Variants in SEMA3D observed in about 807,000 individuals in gnomAD.
SEMA3D encodes the protein semaphorin 3D, also known as semaphorin-3D.
In SEMA3D, 84 loss-of-function variants were observed where a neutral mutation model predicts 100.1. The ratio of observed to expected loss-of-function variants is 0.84; its 90% CI spans 0.70 to 1.01. The LOEUF (loss-of-function observed/expected upper bound fraction) is 1.01. Among genes scored for constraint, SEMA3D ranks in the 50% least tolerant of loss-of-function variants. The pLI, the probability that SEMA3D is intolerant of heterozygous loss-of-function variation, is 0.00. For missense variants in SEMA3D, 875 were observed against 934.1 expected, an observed-to-expected ratio of 0.94 and a Z score of 0.82; for synonymous variants, 312 against 320.7, an observed-to-expected ratio of 0.97 and a Z score of 0.29.
chr7:84,999,474 T>A lies in SEMA3D; in HGVS notation c.2300A>T (p.Asp767Val), dbSNP rs1438001428. Residue 767 changes from aspartate to valine, a missense_variant, in exon 19 of 19, where the codon GAC becomes GTC. Coordinates refer to ENST00000284136, the MANE Select transcript of SEMA3D (RefSeq NM_001384900.1). Reference sequence around the variant, plus strand: ...TACAGCTCTAGGGAGCTCATCCAGGTCTCTGTGATGTCTTCGATTTCGTTT... The same window carrying A: ...TACAGCTCTAGGGAGCTCATCCAGGACTCTGTGATGTCTTCGATTTCGTTT... ...KKKRNRRHHR[D>V]LDELPRAVAT The A allele has an allele frequency of 6.2e-7, 1 of 1,614,036 alleles. No individual in the cohort carries two copies. The highest frequency in any genetic ancestry group is 8.5e-7 in the Non-Finnish European group (1 of 1,179,966).
At chr7:85,226,252 T>C in the SEMA3D span, among the ~76,000 whole-genome samples, 1 of 152,202 alleles carries the variant, frequency 6.6e-6, no homozygotes, top group Non-Finnish European at 1.5e-5. Flanking sequence ...AGTGTGCTCA[T>C]GAGTTTAGTT....
Position 85,009,252 on chromosome 7 carries a change from G to T in SEMA3D, c.1769-2311C>A, listed in dbSNP as rs573925344. 6.5e-4 allele frequency among the ~76,000 whole-genome samples: 98 copies of T among 151,574 alleles called. 1 individual carries two copies. In the South Asian group the frequency reaches 0.019, roughly 29 times the overall value. On this transcript the variant is annotated intron_variant, in intron 17 of 18. Transcript: ENST00000284136. ...CCTCTTTATAATAAATATATAGCTT[G>T]TCATTAAAGTGCAAGATTGATCTGT...
At chr7:85,140,038 G>A (rs199928656) in intron 2 of SEMA3D, 578 of 503,332 alleles carry the variant, frequency 1.1e-3, no homozygotes, top group Non-Finnish European at 1.3e-3. Context: ...GTTGCATGCT[G>A]TCATTAATTA....
At chr7:85,028,239 T>C in intron 12 of SEMA3D, 1 of 694,676 alleles carries the variant, frequency 1.4e-6, no homozygotes, top group Non-Finnish European at 2.6e-6. Context: ...TTGGGAAGAC[T>C]GTTACCAATG....
At chr7:85,221,920 C>A in the SEMA3D span, among the ~76,000 whole-genome samples, 1 of 151,880 alleles carries the variant, frequency 6.6e-6, no homozygotes, top group Admixed American at 6.6e-5. Flanking sequence ...GTATATTAAC[C>A]TAACTTGCTA....
At chr7:85,236,091 G>GGGT in the SEMA3D span, among the ~76,000 whole-genome samples, 1 of 151,780 alleles carries the variant, frequency 6.6e-6, no homozygotes, top group African/African-American at 2.4e-5. Context: ...TAGGTATAAG[G>GGGT]CAATTACACA....
chr7:85,148,828 GA>G (rs548216895), intron 2 of SEMA3D, among the ~76,000 whole-genome samples: 79 of 152,090 alleles, frequency 5.2e-4, no homozygotes, highest in Non-Finnish European at 1.0e-3. Flanking sequence ...TGTGTGTGTA[GA>G]TTTTTTTTGT....
the SEMA3D span, among the ~76,000 whole-genome samples, chr7:85,249,518 G>A: frequency 8.8e-4 from 134 of 152,218 alleles, no homozygotes; most frequent in Non-Finnish European, 1.4e-3. Flanking sequence ...CATACAACTC[G>A]AACAGTAGAC....
chr7:85,143,772 A>G (rs1282769042), intron 2 of SEMA3D, among the ~76,000 whole-genome samples: 2 of 150,162 alleles, frequency 1.3e-5, no homozygotes, highest in African/African-American at 4.9e-5. Flanking sequence ...CCCAGGCTGT[A>G]GTGCAGTAGC....
chr7:85,167,335 C>T, intron 1 of SEMA3D: 1 of 982,678 alleles, frequency 1.0e-6, no homozygotes, highest in Non-Finnish European at 1.2e-6. Context: ...GTGATGTTCT[C>T]ATAGAAACAT....
At chr7:85,028,285 C>T in intron 12 of SEMA3D, 1 of 701,476 alleles carries the variant, frequency 1.4e-6, no homozygotes, top group East Asian at 2.6e-5. Flanking sequence ...GAATGACTCT[C>T]AGCATCAGGG....
intron 1 of SEMA3D, among the ~76,000 whole-genome samples, chr7:85,163,735 C>T (rs1790811193): frequency 6.6e-6 from 1 of 152,092 alleles, no homozygotes; most frequent in Non-Finnish European, 1.5e-5. Flanking sequence ...TTTAAAGTGG[C>T]TCACTTATTC....
rs1790453604 is a variant in SEMA3D at position 85,028,440 on chromosome 7, G to A, written c.1192-5827C>T. 3 of 413,448 alleles carry A rather than the reference G, an allele frequency of 7.3e-6. No homozygotes were observed. In the Admixed American group the frequency reaches 1.2e-4, roughly 17 times the overall value. 25.6% of individuals were successfully genotyped at this position (413,448 alleles called of 1,614,324 possible). A position where few individuals can be genotyped will look rare whatever the true frequency, so the allele number is the denominator to read the frequency against. On this transcript the variant is annotated intron_variant, in intron 12 of 18. Transcript: ENST00000284136. ...AAAGAAATGTGCTAATCTTTGACCT[G>A]GGAGGTGGTGTTTTTGATCCTCACT...
the SEMA3D span, among the ~76,000 whole-genome samples, chr7:85,223,905 A>T: frequency 6.6e-6 from 1 of 152,120 alleles, no homozygotes. Flanking sequence ...TGTTGAAAAA[A>T]AAAAGTCTCT....
chr7:85,159,932 T>C (rs1203561060), intron 1 of SEMA3D: 2 of 984,750 alleles, frequency 2.0e-6, no homozygotes, highest in East Asian at 1.1e-4. Context: ...AATGACCAAC[T>C]AGTGTTCAAG....
intron 8 of SEMA3D, among the ~76,000 whole-genome samples, chr7:85,057,255 T>C (rs1791347056): frequency 6.6e-6 from 1 of 152,142 alleles, no homozygotes; most frequent in African/African-American, 2.4e-5. Flanking sequence ...GTCTTGGTTT[T>C]AAATAATTGT....
At chr7:85,138,653 TTA>T (rs1789938948) in intron 2 of SEMA3D, among the ~76,000 whole-genome samples, 1 of 86,764 alleles carries the variant, frequency 1.2e-5, no homozygotes, top group African/African-American at 7.6e-5. Flanking sequence ...TATATTTAAT[TTA>T]ATATATATAT....
intron 8 of SEMA3D, among the ~76,000 whole-genome samples, chr7:85,059,258 C>T (rs1791409556): frequency 6.6e-6 from 1 of 152,022 alleles, no homozygotes; most frequent in Non-Finnish European, 1.5e-5. Context: ...GAAAAAGATA[C>T]ATTTAGACTC....
upstream of SEMA3D, among the ~76,000 whole-genome samples, chr7:85,188,512 TA>T (rs562282430): frequency 3.3e-5 from 5 of 152,380 alleles, no homozygotes; most frequent in African/African-American, 1.2e-4. Context: ...GTGTTTATAT[TA>T]TTTTCATTTG....
Sources: allele counts gnomAD v4.1 joint callset (sites outside exome capture counted in the v4.1 genomes callset), GRCh38; gene constraint gnomAD v4.1.1; transcripts MANE v1.5; gene names NCBI Gene and HGNC (gene_info 2026-07-23, HGNC 2026-07-21).